Variants in TRAPPC9 observed in about 807,000 individuals in gnomAD.
The protein encoded by TRAPPC9 is trafficking protein particle complex subunit 9.
Under a neutral mutation model 124.0 loss-of-function variants are expected in TRAPPC9, and 83 were observed. That is an observed-to-expected ratio of 0.67 (90% confidence interval 0.56 to 0.80). TRAPPC9 has a LOEUF of 0.80. TRAPPC9 is among the 30% of genes least tolerant of loss of function. The probability of loss-of-function intolerance (pLI) is 0.00; values close to 1 mark genes in which losing one functional copy is unlikely to be tolerated. For missense variants in TRAPPC9, 1,302 were observed against 1,508.3 expected, an observed-to-expected ratio of 0.86 and a Z score of 2.27; for synonymous variants, 638 against 617.5, an observed-to-expected ratio of 1.03 and a Z score of -0.49.
intron 8 of TRAPPC9, among the ~76,000 whole-genome samples, chr8:140,361,980 C>T (rs962814443): frequency 6.6e-6 from 1 of 152,214 alleles, no homozygotes; most frequent in African/African-American, 2.4e-5. Flanking sequence ...AAGGGTTCCA[C>T]CGCTCACAGC....
At chr8:139,915,419 G>T (rs1201985378) in intron 19 of TRAPPC9, among the ~76,000 whole-genome samples, 2 of 152,184 alleles carry the variant, frequency 1.3e-5, no homozygotes, top group Admixed American at 6.5e-5. Context: ...GCTAATTTTT[G>T]TATTTTTAGT....
At chr8:140,425,906 G>A (rs933314072) in intron 5 of TRAPPC9, among the ~76,000 whole-genome samples, 3 of 152,136 alleles carry the variant, frequency 2.0e-5, no homozygotes, top group Non-Finnish European at 2.9e-5. Flanking sequence ...AGGAGTGAAC[G>A]CAAATGTTAA....
At chr8:139,844,721 T>C (rs1826959376) in intron 21 of TRAPPC9, among the ~76,000 whole-genome samples, 1 of 152,194 alleles carries the variant, frequency 6.6e-6, no homozygotes, top group Non-Finnish European at 1.5e-5. Context: ...TTTGGGACAG[T>C]CTGGGGAAAA....
chr8:140,432,850 C>A (rs1462891015), intron 4 of TRAPPC9, among the ~76,000 whole-genome samples: 1 of 149,980 alleles, frequency 6.7e-6, no homozygotes, highest in Non-Finnish European at 1.5e-5. Context: ...CCAGCCTGGG[C>A]AACAGAGCAA....
chr8:139,795,905 C>T (rs1363162115), intron 21 of TRAPPC9, among the ~76,000 whole-genome samples: 2 of 152,138 alleles, frequency 1.3e-5, no homozygotes, highest in East Asian at 3.9e-4. Context: ...GGTGAACGTT[C>T]ACTGAACAAA....
At chr8:140,376,589 G>A (rs1417735330) in intron 7 of TRAPPC9, among the ~76,000 whole-genome samples, 1 of 145,750 alleles carries the variant, frequency 6.9e-6, no homozygotes. Flanking sequence ...GAATCACAGT[G>A]TTGAGGCCAG....
At position 140,156,981 on chromosome 8, in the gene TRAPPC9, C is replaced by CTTTTCCATTCAGAAGCCTCCCT. The variant is rs1468161872; in HGVS notation, c.2556+64477_2556+64478insAGGGAGGCTTCTGAATGGAAAA. Among the ~76,000 whole-genome samples, 6 of 39,310 alleles carry CTTTTCCATTCAGAAGCCTCCCT rather than the reference C, an allele frequency of 1.5e-4. 1 individual carries two copies. The highest frequency in any genetic ancestry group is 1.0e-4 in the Non-Finnish European group (2 of 19,628). 25.8% of individuals were successfully genotyped at this position (39,310 alleles called of 152,430 possible). A position where few individuals can be genotyped will look rare whatever the true frequency, so the allele number is the denominator to read the frequency against. On this transcript the variant is annotated intron_variant, in intron 17 of 22. Coordinates refer to ENST00000438773, the MANE Select transcript of TRAPPC9 (RefSeq NM_001160372.4). ...CTCCCTTTTCCATTCAAAAGCCTCCCTTTCCATTCAAAAGCCTCCCTTTTC... is the reference window on the plus strand; with the variant it reads ...CTCCCTTTTCCATTCAAAAGCCTCCCTTTTCCATTCAGAAGCCTCCCTTTTCCATTCAAAAGCCTCCCTTTTC...
intron 21 of TRAPPC9, among the ~76,000 whole-genome samples, chr8:139,851,796 C>T (rs1306525203): frequency 6.6e-6 from 1 of 152,206 alleles, no homozygotes. Flanking sequence ...GAGCTGGCAC[C>T]AGCAGGAGAT....
chr8:140,316,839 C>A (rs539733567), intron 9 of TRAPPC9, among the ~76,000 whole-genome samples: 1 of 152,252 alleles, frequency 6.6e-6, no homozygotes, highest in South Asian at 2.1e-4. Context: ...AGCAGTGAAG[C>A]CCTCAGGTCC....
At chr8:140,140,481 C>T (rs1304623990) in intron 17 of TRAPPC9, among the ~76,000 whole-genome samples, 1 of 152,058 alleles carries the variant, frequency 6.6e-6, no homozygotes, top group Admixed American at 6.6e-5. Context: ...CCCCAGTATG[C>T]TTGGTGTTAT....
Position 140,343,293 on chromosome 8 carries a change from G to C in TRAPPC9, c.1495+16757C>G, listed in dbSNP as rs1260973300. On this transcript the variant is annotated intron_variant, in intron 9 of 22. Coordinates refer to ENST00000438773, the MANE Select transcript of TRAPPC9 (RefSeq NM_001160372.4). ...CAACCCTCACTCTCCAAGGATGACT[G>C]CTGGGCTGAAGCCCATGGCATGCAT... is the stretch of plus-strand genomic sequence containing the variant. 2.0e-5 allele frequency among the ~76,000 whole-genome samples: 3 copies of C among 152,324 alleles called. No individual in the cohort carries two copies. In the South Asian group the frequency reaches 6.2e-4, roughly 32 times the overall value.
chr8:139,941,720 T>C (rs990090037), intron 19 of TRAPPC9, among the ~76,000 whole-genome samples: 1 of 152,098 alleles, frequency 6.6e-6, no homozygotes, highest in Non-Finnish European at 1.5e-5. Flanking sequence ...ACACGACAAA[T>C]GCAAGCATTT....
chr8:139,899,220 G>A (rs563585496), intron 20 of TRAPPC9, among the ~76,000 whole-genome samples: 5 of 150,592 alleles, frequency 3.3e-5, no homozygotes, highest in Middle Eastern at 3.4e-3. Flanking sequence ...GGTGTCTACC[G>A]CCTACACAGT....
chr8:140,144,183 A>G (rs2061422783), intron 17 of TRAPPC9, among the ~76,000 whole-genome samples: 1 of 152,210 alleles, frequency 6.6e-6, no homozygotes, highest in Admixed American at 6.5e-5. Context: ...TTCTTCTAGT[A>G]TATGAATTCT....
rs1005485281 is a variant in TRAPPC9 at position 140,162,074 on chromosome 8, C to A, written c.2556+59385G>T. ...AGGACACTAGTCCTGAGCTGTGACG[C>A]TATCTGTCTGCCTTGAGTTTCCGGC... On this transcript the variant is annotated intron_variant, in intron 17 of 22. Transcript: ENST00000438773. 3.9e-4 allele frequency among the ~76,000 whole-genome samples: 60 copies of A among 152,300 alleles called. No individual in the cohort carries two copies. In the Middle Eastern group the frequency reaches 0.01, roughly 26 times the overall value.
At chr8:140,238,778 T>C (rs932978608) in intron 16 of TRAPPC9, among the ~76,000 whole-genome samples, 2 of 152,162 alleles carry the variant, frequency 1.3e-5, no homozygotes, top group Admixed American at 6.5e-5. Context: ...GAGTTGGATA[T>C]ACTGAAAATT....
chr8:140,011,555 G>A (rs1482146717), intron 18 of TRAPPC9, among the ~76,000 whole-genome samples: 1 of 137,870 alleles, frequency 7.3e-6, no homozygotes. Flanking sequence ...CCAGGCTGGA[G>A]TGCAGTGGTA....
At chr8:139,898,590 C>T (rs142651403) in intron 20 of TRAPPC9, among the ~76,000 whole-genome samples, 8 of 152,242 alleles carry the variant, frequency 5.3e-5, no homozygotes, top group African/African-American at 9.6e-5. Flanking sequence ...CTCGGAGCAG[C>T]GGTCTTATGT....
chr8:140,340,951 A>G (rs117648477), intron 9 of TRAPPC9, among the ~76,000 whole-genome samples: 3,071 of 152,332 alleles, frequency 0.02, 55 homozygotes, highest in Non-Finnish European at 0.032. Flanking sequence ...CAGGTTCTCA[A>G]TTGAGAACAG....
Sources: gnomAD v4.1 joint callset for allele counts (sites outside exome capture counted in the v4.1 genomes callset) on GRCh38, gnomAD v4.1.1 for gene constraint, MANE v1.5 for transcripts, NCBI Gene and HGNC (gene_info 2026-07-23, HGNC 2026-07-21) for gene names.